The following TECTA variants were observed in gnomAD, a reference collection of about 807,000 sequenced individuals.
The protein encoded by TECTA is tectorin alpha.
A neutral mutation model predicts 216.8 loss-of-function variants in TECTA; 128 were observed. That is an observed-to-expected ratio of 0.59 (90% CI 0.51 to 0.68). TECTA has a LOEUF of 0.68. Among genes scored for constraint, TECTA ranks in the 30% least tolerant of loss-of-function variants. The pLI, the probability that TECTA is intolerant of heterozygous loss-of-function variation, is 0.00. For synonymous variants in TECTA, 1,089 were observed against 1,117.1 expected (o/e 0.97, Z 0.50); for missense variants, 2,551 against 2,786.2 (o/e 0.92, Z 1.90).
rs1947079189 is a variant in TECTA at position 121,168,577 on chromosome 11, G to A, written c.5751-100G>A. ...GCACAGCCTTAGACTTTGCTACTAC[G>A]TGCTTTGCTTTCCCTCTGCATTCTC... On this transcript the variant is annotated intron_variant, in intron 19 of 23. Transcript: ENST00000392793. The A allele has an allele frequency of 8.8e-6, 14 of 1,583,476 alleles. No homozygotes were observed. In the South Asian group the frequency reaches 1.6e-4, roughly 18 times the overall value.
intron 20 of TECTA, among the ~76,000 whole-genome samples, chr11:121,171,973 C>T (rs1326708964): frequency 6.6e-6 from 1 of 152,046 alleles, no homozygotes; most frequent in Non-Finnish European, 1.5e-5. Flanking sequence ...AGAGTGAGCA[C>T]CCAGGAATTG....
chr11:121,171,210 A>G lies in TECTA; in HGVS notation c.5999+2285A>G, dbSNP rs188727252. Among the ~76,000 whole-genome samples the G allele has an allele frequency of 8.7e-4, 132 of 152,194 alleles. 1 individual carries two copies. Among genetic ancestry groups the G allele is most frequent in the Admixed American group, 2.2e-3 (33 of 15,276 alleles). On this transcript the variant is annotated intron_variant, in intron 20 of 23. Transcript: ENST00000392793. ...ATCCTTTCCCCAATGTATGTTCTTGACATCTTTGTTGAAAATCAGTTGGCT... is the reference window on the plus strand; with the variant it reads ...ATCCTTTCCCCAATGTATGTTCTTGGCATCTTTGTTGAAAATCAGTTGGCT...
intron 6 of TECTA, among the ~76,000 whole-genome samples, chr11:121,115,282 C>G (rs939949927): frequency 2.6e-5 from 4 of 152,178 alleles, no homozygotes; most frequent in African/African-American, 9.7e-5. Context: ...TCAAGTCATC[C>G]AGCCATTTAG....
chr11:121,136,115 C>A (rs997577745), intron 10 of TECTA, among the ~76,000 whole-genome samples: 4 of 152,104 alleles, frequency 2.6e-5, no homozygotes, highest in Non-Finnish European at 5.9e-5. Flanking sequence ...TGTACCACCA[C>A]GCCTGGCTAA....
chr11:121,123,586 C>T (rs1946579932), intron 7 of TECTA, among the ~76,000 whole-genome samples: 1 of 152,202 alleles, frequency 6.6e-6, no homozygotes, highest in Non-Finnish European at 1.5e-5. Context: ...TGATGTCATT[C>T]CCTTGCTTAA....
At chr11:121,181,747 C>T (rs1195920048) in intron 20 of TECTA, among the ~76,000 whole-genome samples, 2 of 152,054 alleles carry the variant, frequency 1.3e-5, no homozygotes, top group Non-Finnish European at 2.9e-5. Flanking sequence ...GGATTACAGG[C>T]GTGAGCCACC....
intron 20 of TECTA, among the ~76,000 whole-genome samples, chr11:121,176,170 G>A (rs1458775561): frequency 6.6e-6 from 1 of 151,476 alleles, no homozygotes; most frequent in Non-Finnish European, 1.5e-5. Flanking sequence ...TTTAATTGGA[G>A]TATTTAGTCC....
intron 11 of TECTA, among the ~76,000 whole-genome samples, chr11:121,144,424 G>A (rs751567672): frequency 3.9e-4 from 60 of 152,138 alleles, no homozygotes; most frequent in Non-Finnish European, 7.1e-4. Context: ...GAGCAGTGGC[G>A]TGGAAAGGGT....
At chr11:121,186,207 C>T (rs1246374565) in intron 20 of TECTA, among the ~76,000 whole-genome samples, 1 of 149,620 alleles carries the variant, frequency 6.7e-6, no homozygotes, top group Non-Finnish European at 1.5e-5. Context: ...GAATGAGCTG[C>T]AAAATGGGTC....
intron 21 of TECTA, among the ~76,000 whole-genome samples, chr11:121,188,638 G>C (rs1403652447): frequency 1.3e-5 from 2 of 152,204 alleles, no homozygotes; most frequent in African/African-American, 4.8e-5. Context: ...CTTAAGATTT[G>C]ATTGCACCAA....
chr11:121,156,979 G>A (rs899319148), intron 13 of TECTA, among the ~76,000 whole-genome samples: 4 of 152,128 alleles, frequency 2.6e-5, no homozygotes, highest in East Asian at 1.9e-4. Flanking sequence ...AGGACACGTG[G>A]GAATGAAGGT....
At chr11:121,170,315 G>T (rs1947098090) in intron 20 of TECTA, among the ~76,000 whole-genome samples, 1 of 152,114 alleles carries the variant, frequency 6.6e-6, no homozygotes, top group African/African-American at 2.4e-5. Context: ...CAATAAACAT[G>T]GAAGTGTAGG....
intron 3 of TECTA, 27 bp from the exon 4 acceptor site, chr11:121,109,184 T>TCTTATTTTCGTAG: frequency 6.2e-7 from 1 of 1,613,742 alleles, no homozygotes; most frequent in Non-Finnish European, 8.5e-7. Flanking sequence ...TCAGATCCAC[T>TCTTATTTTCGTAG]GTGCAAAACC....
chr11:121,129,595 T>C, intron 9 of TECTA, 43 bp from the exon 10 acceptor site: 1 of 1,596,356 alleles, frequency 6.3e-7, no homozygotes, highest in Non-Finnish European at 8.6e-7. Context: ...TGGAAAGTGC[T>C]CTGTGTGTCT....
chr11:121,173,900 C>G (rs1462829290), intron 20 of TECTA, among the ~76,000 whole-genome samples: 4 of 151,792 alleles, frequency 2.6e-5, no homozygotes, highest in African/African-American at 9.7e-5. Context: ...TGAAGAGGTC[C>G]TTCACGTCCC....
intron 3 of TECTA, among the ~76,000 whole-genome samples, chr11:121,107,385 T>C (rs892690333): frequency 6.6e-6 from 1 of 152,200 alleles, no homozygotes; most frequent in Non-Finnish European, 1.5e-5. Flanking sequence ...CTTTGAGTAG[T>C]GCAGTTTTCT....
At chr11:121,148,016 C>T (rs551031) in intron 12 of TECTA, among the ~76,000 whole-genome samples, 104,645 of 152,070 alleles carry the variant, frequency 0.69, 37,464 homozygotes, top group African/African-American at 0.9. Context: ...TGGCTAGGGA[C>T]AAAGAGTAAG....
At chr11:121,148,754 T>C (rs969878346) in intron 12 of TECTA, among the ~76,000 whole-genome samples, 1 of 152,260 alleles carries the variant, frequency 6.6e-6, no homozygotes, top group African/African-American at 2.4e-5. Flanking sequence ...CTGGTGTTTT[T>C]CAATGATCTG....
intron 20 of TECTA, among the ~76,000 whole-genome samples, chr11:121,175,890 G>A (rs372620391): frequency 6.6e-6 from 1 of 152,140 alleles, no homozygotes; most frequent in South Asian, 2.1e-4. Context: ...GGGTGCATAT[G>A]TATTTAGGAT....
Sources: gnomAD v4.1 joint callset for allele counts (sites outside exome capture counted in the v4.1 genomes callset) on GRCh38, gnomAD v4.1.1 for gene constraint, MANE v1.5 for transcripts, NCBI Gene and HGNC (gene_info 2026-07-23, HGNC 2026-07-21) for gene names.